RANBP2: variants seen among roughly 807,000 people sequenced by gnomAD.
RANBP2 encodes RAN binding protein 2.
In RANBP2, 57 loss-of-function variants were observed where a neutral mutation model predicts 303.6. The ratio of observed to expected loss-of-function variants is 0.19; its 90% CI spans 0.15 to 0.23. RANBP2 has a LOEUF of 0.23. Ranked by LOEUF, RANBP2 falls within the 10% of genes least tolerant of loss-of-function variation. The pLI is 1.00. For missense variants in RANBP2, 3,138 were observed against 3,780.8 expected (o/e 0.83, Z 4.46); for synonymous variants, 1,167 against 1,301.5 (o/e 0.90, Z 2.23).
chr2:109,494,486 C>T, the RANBP2 span, among the ~76,000 whole-genome samples: 3 of 151,192 alleles, frequency 2.0e-5, no homozygotes, highest in Non-Finnish European at 3.0e-5. Context: ...ATGCTGACTC[C>T]TCGGGCTGGG....
chr2:109,356,502 T>G, the RANBP2 span, among the ~76,000 whole-genome samples: 1 of 151,692 alleles, frequency 6.6e-6, no homozygotes, highest in East Asian at 1.9e-4. Context: ...CCTGGTGGGG[T>G]TTTCATGTGC....
the RANBP2 span, among the ~76,000 whole-genome samples, chr2:109,312,976 T>A: frequency 6.6e-6 from 1 of 152,178 alleles, no homozygotes; most frequent in Non-Finnish European, 1.5e-5. Context: ...GGATTTCACT[T>A]TTATCTACAG....
the RANBP2 span, among the ~76,000 whole-genome samples, chr2:108,878,816 A>G: frequency 6.6e-6 from 1 of 152,228 alleles, no homozygotes; most frequent in Non-Finnish European, 1.5e-5. Context: ...CTACATTATC[A>G]GAAAGAGTTG....
chr2:109,723,715 G>T, the RANBP2 span, among the ~76,000 whole-genome samples: 1 of 151,928 alleles, frequency 6.6e-6, no homozygotes, highest in Admixed American at 6.6e-5. Flanking sequence ...TTCTGTATAG[G>T]TTGTCTGTTC....
chr2:108,971,162 G>A, the RANBP2 span, among the ~76,000 whole-genome samples: 2 of 152,126 alleles, frequency 1.3e-5, no homozygotes, highest in African/African-American at 4.8e-5. Context: ...TGATGGTGCT[G>A]GCTACATGTT....
At chr2:108,931,275 G>A in the RANBP2 span, among the ~76,000 whole-genome samples, 2 of 152,212 alleles carry the variant, frequency 1.3e-5, no homozygotes, top group South Asian at 2.1e-4. Context: ...AGGAGCACAC[G>A]GAGGGCCCAA....
chr2:109,487,479 G>C, the RANBP2 span, among the ~76,000 whole-genome samples: 1 of 152,226 alleles, frequency 6.6e-6, no homozygotes, highest in Admixed American at 6.5e-5. Context: ...GAAGGCGGAC[G>C]TTTTGGAGAG....
chr2:109,088,100 T>C, the RANBP2 span, among the ~76,000 whole-genome samples: 1 of 152,024 alleles, frequency 6.6e-6, no homozygotes, highest in African/African-American at 2.4e-5. Context: ...TCGTCTCTAC[T>C]AAAAATACAA....
At chr2:109,392,601 G>T in the RANBP2 span, among the ~76,000 whole-genome samples, 1 of 152,014 alleles carries the variant, frequency 6.6e-6, no homozygotes, top group Admixed American at 6.6e-5. Flanking sequence ...CTCAAGCTCC[G>T]CCTCGTGGGT....
At chr2:109,127,384 G>A in the RANBP2 span, 1 of 152,142 alleles carries the variant, frequency 6.6e-6, no homozygotes, top group African/African-American at 2.4e-5. Context: ...CACTGCCCTA[G>A]GCACTAAGGA....
At chr2:109,486,228 T>G in the RANBP2 span, among the ~76,000 whole-genome samples, 1 of 152,250 alleles carries the variant, frequency 6.6e-6, no homozygotes, top group Admixed American at 6.5e-5. Context: ...ACTTCCTATG[T>G]TCTGTATCAG....
At chr2:109,649,311 C>T in the RANBP2 span, among the ~76,000 whole-genome samples, 1 of 152,140 alleles carries the variant, frequency 6.6e-6, no homozygotes, top group Non-Finnish European at 1.5e-5. Context: ...TAAGTTGAAG[C>T]TTTCTAATAT....
At chr2:108,741,440 C>T (rs1403193384) in intron 7 of RANBP2, among the ~76,000 whole-genome samples, 10 of 150,104 alleles carry the variant, frequency 6.7e-5, no homozygotes, top group Admixed American at 6.6e-4. Context: ...TCGTGATCTG[C>T]CTGCCTTGGT....
chr2:109,130,411 C>A, the RANBP2 span, among the ~76,000 whole-genome samples: 2 of 152,230 alleles, frequency 1.3e-5, no homozygotes, highest in African/African-American at 4.8e-5. Context: ...CTTAGCATCG[C>A]CCTTGCGTCT....
chr2:108,929,872 G>A, the RANBP2 span, among the ~76,000 whole-genome samples: 4 of 152,206 alleles, frequency 2.6e-5, no homozygotes, highest in African/African-American at 9.7e-5. Context: ...AGGGTAGAGT[G>A]GGAAAGTGAT....
At chr2:109,065,091 A>G in the RANBP2 span, among the ~76,000 whole-genome samples, 1 of 152,198 alleles carries the variant, frequency 6.6e-6, no homozygotes, top group Non-Finnish European at 1.5e-5. Context: ...TCATTAAGCC[A>G]ATGAAAAGGC....
the RANBP2 span, chr2:108,805,095 C>T: frequency 1.9e-5 from 12 of 645,862 alleles, 1 homozygote; most frequent in South Asian, 1.4e-4. Flanking sequence ...CCTTAGAACA[C>T]GTTTCAGCTA....
the RANBP2 span, among the ~76,000 whole-genome samples, chr2:109,306,228 A>G: frequency 1.3e-5 from 2 of 152,214 alleles, no homozygotes; most frequent in Admixed American, 6.5e-5. Context: ...TGCCAGATGC[A>G]GACCCCAGGA....
chr2:108,877,313 A>C, the RANBP2 span, among the ~76,000 whole-genome samples: 2 of 150,964 alleles, frequency 1.3e-5, no homozygotes, highest in South Asian at 4.2e-4. Flanking sequence ...ACAAAAAAAA[A>C]CAGAATTAGC....
Sources: allele counts gnomAD v4.1 joint callset (sites outside exome capture counted in the v4.1 genomes callset), GRCh38; gene constraint gnomAD v4.1.1; transcripts MANE v1.5; gene names NCBI Gene and HGNC (gene_info 2026-07-23, HGNC 2026-07-21).